Variants in OPCML observed in about 807,000 individuals in gnomAD.
OPCML encodes opioid-binding protein/cell adhesion molecule.
A neutral mutation model predicts 37.8 loss-of-function variants in OPCML; 13 were observed. That is an observed-to-expected ratio of 0.34 (90% CI 0.22 to 0.55). The LOEUF is 0.55. OPCML is among the 20% of genes least tolerant of loss of function. OPCML has a pLI of 0.91. For synonymous variants in OPCML, 176 were observed against 168.8 expected (o/e 1.04, Z -0.33); for missense variants, 341 against 435.6 (o/e 0.78, Z 1.93).
Position 133,174,508 on chromosome 11 carries a change from C to T in OPCML, c.62-231498G>A, listed in dbSNP as rs1046620845. Among the ~76,000 whole-genome samples the T allele has an allele frequency of 2.6e-5, 4 of 151,896 alleles. No homozygotes were observed. Among genetic ancestry groups the T allele is most frequent in the South Asian group, 2.1e-4 (1 of 4,816 alleles). Reference sequence around the variant, plus strand: ...GACGTAAAGGTGATTATGAACATTACGATTTATAATAGTGGAGGACTGGAA... The same window carrying T: ...GACGTAAAGGTGATTATGAACATTATGATTTATAATAGTGGAGGACTGGAA... On this transcript the variant is annotated intron_variant, in intron 1 of 7. Coordinates refer to ENST00000524381, the MANE Select transcript of OPCML (RefSeq NM_001012393.5). This position sits in a 1 kb window ranked among gnomAD's most constrained non-coding sequence, Gnocchi z 4.6.
chr11:132,873,695 C>G (rs1363038416), intron 2 of OPCML, among the ~76,000 whole-genome samples: 7 of 139,070 alleles, frequency 5.0e-5, no homozygotes, highest in Non-Finnish European at 1.1e-4. Flanking sequence ...AACCTAGCAG[C>G]TGGGCTGAGC....
chr11:133,039,299 C>T (rs1041532664), intron 1 of OPCML, among the ~76,000 whole-genome samples: 1 of 152,166 alleles, frequency 6.6e-6, no homozygotes, highest in Non-Finnish European at 1.5e-5. Context: ...TCTCAGGACC[C>T]CTGTGCTCAA....
chr11:132,710,227 CA>C (rs1944205517), intron 2 of OPCML, among the ~76,000 whole-genome samples: 1 of 152,008 alleles, frequency 6.6e-6, no homozygotes, highest in Non-Finnish European at 1.5e-5. Flanking sequence ...GGGTGAGAAA[CA>C]GTTGTCTATT....
At chr11:133,420,691 G>A (rs1425124925) in intron 1 of OPCML, 10 of 985,258 alleles carry the variant, frequency 1.0e-5, no homozygotes, top group Non-Finnish European at 1.2e-5. Flanking sequence ...GATGCATCTA[G>A]GCCTACCCTA....
chr11:132,969,889 G>C (rs1204926094), intron 1 of OPCML, among the ~76,000 whole-genome samples: 1 of 152,076 alleles, frequency 6.6e-6, no homozygotes, highest in Non-Finnish European at 1.5e-5. Flanking sequence ...TCTGTTTGAA[G>C]TCTTTGTTAA....
chr11:133,024,896 A>C, intron 1 of OPCML: 1 of 985,420 alleles, frequency 1.0e-6, no homozygotes, highest in Non-Finnish European at 1.2e-6. Context: ...AGAGTGCATA[A>C]AGATTATCTA....
intron 1 of OPCML, among the ~76,000 whole-genome samples, chr11:133,531,056 A>G (rs951436722): frequency 1.6e-4 from 25 of 152,216 alleles, no homozygotes; most frequent in African/African-American, 5.3e-4. Flanking sequence ...GGTTTAAGCT[A>G]ATGTTTAACA....
intron 1 of OPCML, among the ~76,000 whole-genome samples, chr11:133,345,017 C>T (rs1476652763): frequency 2.6e-5 from 4 of 152,190 alleles, no homozygotes; most frequent in Non-Finnish European, 5.9e-5. Flanking sequence ...TCACCCTCTG[C>T]GTGACTTCCA....
intron 1 of OPCML, among the ~76,000 whole-genome samples, chr11:133,313,929 T>A (rs1223975767): frequency 6.6e-6 from 1 of 152,220 alleles, no homozygotes; most frequent in East Asian, 1.9e-4. Context: ...GTCCATTATT[T>A]ATTTGCTATA....
chr11:132,539,869 G>A (rs1205458239), intron 3 of OPCML, among the ~76,000 whole-genome samples: 1 of 151,980 alleles, frequency 6.6e-6, no homozygotes, highest in Non-Finnish European at 1.5e-5. Context: ...GATAGTGATG[G>A]TGATCATGGT....
intron 1 of OPCML, among the ~76,000 whole-genome samples, chr11:133,466,779 G>A (rs1352910970): frequency 6.6e-6 from 1 of 152,158 alleles, no homozygotes; most frequent in African/African-American, 2.4e-5. Context: ...TGGGAGTGAA[G>A]AGGAAGAAAG....
At chr11:133,237,361 T>C (rs1488590999) in intron 1 of OPCML, among the ~76,000 whole-genome samples, 1 of 152,212 alleles carries the variant, frequency 6.6e-6, no homozygotes, top group African/African-American at 2.4e-5. Context: ...AAGGGTTCAG[T>C]GAGCATTTCT....
At chr11:132,823,903 C>G (rs10736604) in intron 2 of OPCML, among the ~76,000 whole-genome samples, 72,497 of 151,970 alleles carry the variant, frequency 0.48, 17,559 homozygotes, top group East Asian at 0.6. Context: ...TGTATGTCTT[C>G]TGACATGCAC....
intron 2 of OPCML, among the ~76,000 whole-genome samples, chr11:132,849,955 C>T (rs1008455167): frequency 1.8e-4 from 28 of 152,196 alleles, no homozygotes; most frequent in African/African-American, 5.3e-4. Context: ...GCAGATGACG[C>T]ACCAGCTCCT....
chr11:133,055,424 CTG>C (rs1267363432), intron 1 of OPCML, among the ~76,000 whole-genome samples: 26 of 148,732 alleles, frequency 1.7e-4, no homozygotes, highest in African/African-American at 4.3e-4. Flanking sequence ...CCGTATAATG[CTG>C]CCTCTATGAT....
intron 2 of OPCML, among the ~76,000 whole-genome samples, chr11:132,931,307 A>T (rs1450080574): frequency 6.6e-6 from 1 of 152,192 alleles, no homozygotes; most frequent in African/African-American, 2.4e-5. Context: ...GGAAAAAACA[A>T]GAAAAGATAA....
chr11:132,910,383 G>C (rs573798080), intron 2 of OPCML, among the ~76,000 whole-genome samples: 1 of 152,348 alleles, frequency 6.6e-6, no homozygotes, highest in South Asian at 2.1e-4. Context: ...CAGATGTGAA[G>C]GTAATTACAC....
chr11:132,602,520 G>T (rs149595830), intron 3 of OPCML, among the ~76,000 whole-genome samples: 23 of 152,302 alleles, frequency 1.5e-4, no homozygotes, highest in African/African-American at 5.1e-4. Context: ...GAAGGCAAGA[G>T]TTTGGTTCTC....
intron 1 of OPCML, among the ~76,000 whole-genome samples, chr11:133,109,811 T>C (rs1021734713): frequency 3.3e-5 from 5 of 152,286 alleles, no homozygotes; most frequent in African/African-American, 1.2e-4. Flanking sequence ...AGGTGAGTCA[T>C]TGCATTTGAG....
Sources: allele counts gnomAD v4.1 joint callset (sites outside exome capture counted in the v4.1 genomes callset), GRCh38; gene constraint gnomAD v4.1.1; non-coding constraint Gnocchi (gnomAD v3.1); transcripts MANE v1.5; gene names NCBI Gene and HGNC (gene_info 2026-07-23, HGNC 2026-07-21).